Variants in NBEA observed in about 807,000 individuals in gnomAD.
NBEA encodes the protein lysosomal-trafficking regulator 2.
A neutral mutation model predicts 343.4 loss-of-function variants in NBEA; 44 were observed. The ratio of observed to expected loss-of-function variants is 0.13; its 90% CI spans 0.10 to 0.16. NBEA has a LOEUF of 0.16. Among genes scored for constraint, NBEA ranks in the 10% least tolerant of loss-of-function variants. The pLI is 1.00. For synonymous variants in NBEA, 1,175 were observed against 1,238.7 expected (o/e 0.95, Z 1.08); for missense variants, 2,555 against 3,631.3 (o/e 0.70, Z 7.62).
chr13:35,618,986 T>G (rs1299349038), intron 48 of NBEA, among the ~76,000 whole-genome samples: 4 of 152,038 alleles, frequency 2.6e-5, no homozygotes, highest in Non-Finnish European at 5.9e-5. Context: ...CCAGTGTGGC[T>G]CTGCTCATAT....
intron 38 of NBEA, among the ~76,000 whole-genome samples, chr13:35,377,120 A>G (rs912427257): frequency 3.3e-5 from 5 of 152,214 alleles, no homozygotes; most frequent in Non-Finnish European, 5.9e-5. Context: ...TAGTTTTAAA[A>G]TTTTGACCAA....
At chr13:35,583,814 G>A in intron 45 of NBEA, 84 bp from the exon 46 acceptor site, 1 of 996,324 alleles carries the variant, frequency 1.0e-6, no homozygotes, top group Non-Finnish European at 1.5e-6. Flanking sequence ...TGAATTAACA[G>A]TGAAATACTG....
intron 38 of NBEA, among the ~76,000 whole-genome samples, chr13:35,430,290 C>A (rs998197296): frequency 6.6e-6 from 1 of 152,114 alleles, no homozygotes; most frequent in Non-Finnish European, 1.5e-5. Flanking sequence ...ATGTCCTTAG[C>A]CCACTTTTCG....
At chr13:35,209,905 G>T (rs2073651451) in intron 32 of NBEA, among the ~76,000 whole-genome samples, 2 of 151,966 alleles carry the variant, frequency 1.3e-5, no homozygotes, top group South Asian at 4.1e-4. Flanking sequence ...TTGTTTACCT[G>T]TATTATAAAT....
intron 1 of NBEA, among the ~76,000 whole-genome samples, chr13:34,996,472 G>A (rs2152520921): frequency 6.6e-6 from 1 of 151,974 alleles, no homozygotes; most frequent in East Asian, 1.9e-4. Flanking sequence ...GTTTGTGTGT[G>A]TGTGTGTGTA....
chr13:35,091,599 G>A (rs997388465), intron 10 of NBEA, among the ~76,000 whole-genome samples: 2 of 151,934 alleles, frequency 1.3e-5, no homozygotes, highest in Non-Finnish European at 2.9e-5. Context: ...TAGCATACTA[G>A]TGTCACAAGA....
At chr13:35,523,026 G>A (rs2152993683) in intron 41 of NBEA, among the ~76,000 whole-genome samples, 1 of 152,248 alleles carries the variant, frequency 6.6e-6, no homozygotes, top group East Asian at 1.9e-4. Context: ...GACGTAGAAA[G>A]GAAATGACAA....
intron 10 of NBEA, among the ~76,000 whole-genome samples, chr13:35,084,104 T>C (rs2152611165): frequency 6.6e-6 from 1 of 152,218 alleles, no homozygotes; most frequent in African/African-American, 2.4e-5. Context: ...GAAAGAGACT[T>C]AGACTGCCAC....
At chr13:35,663,302 A>G (rs1415311714) in intron 55 of NBEA, among the ~76,000 whole-genome samples, 1 of 152,118 alleles carries the variant, frequency 6.6e-6, no homozygotes, top group Non-Finnish European at 1.5e-5. Context: ...GGTAACCACT[A>G]TTCTGTTTAT....
chr13:34,977,339 G>A (rs889712630), intron 1 of NBEA, among the ~76,000 whole-genome samples: 1 of 149,600 alleles, frequency 6.7e-6, no homozygotes, highest in Admixed American at 6.6e-5. Context: ...GATGGAGTCT[G>A]TCTCTGTCGC....
intron 51 of NBEA, among the ~76,000 whole-genome samples, chr13:35,648,128 C>T (rs959527391): frequency 6.0e-5 from 9 of 148,950 alleles, no homozygotes; most frequent in Non-Finnish European, 8.9e-5. Flanking sequence ...TCTCCCAAAG[C>T]GCTGGGAATA....
At chr13:34,997,429 C>T (rs2060977427) in intron 1 of NBEA, among the ~76,000 whole-genome samples, 1 of 152,042 alleles carries the variant, frequency 6.6e-6, no homozygotes, top group African/African-American at 2.4e-5. Context: ...CTCATTCTTC[C>T]TTATTATTAT....
intron 41 of NBEA, among the ~76,000 whole-genome samples, chr13:35,523,762 A>C (rs2152994097): frequency 6.6e-6 from 1 of 152,242 alleles, no homozygotes; most frequent in East Asian, 1.9e-4. Context: ...TCTTTTCAAA[A>C]ATATTTGCCA....
chr13:35,432,898 TAAAA>T (rs953869450), intron 39 of NBEA, among the ~76,000 whole-genome samples: 3 of 152,018 alleles, frequency 2.0e-5, no homozygotes, highest in African/African-American at 7.2e-5. Context: ...TTGTATATAT[TAAAA>T]AAGTTTTATT....
intron 52 of NBEA, among the ~76,000 whole-genome samples, chr13:35,650,538 CTAAAACTACAAA>C (rs2084466921): frequency 1.3e-5 from 2 of 152,116 alleles, no homozygotes; most frequent in Non-Finnish European, 1.5e-5. Flanking sequence ...CCCGTCTCTA[CTAAAACTACAAA>C]AATTAACCAG....
chr13:35,667,705 C>T, intron 57 of NBEA, 135 bp downstream of exon 57: 1 of 815,164 alleles, frequency 1.2e-6, no homozygotes, highest in Middle Eastern at 2.4e-4. Flanking sequence ...TATATAACTT[C>T]TTGCGGACTG....
chr13:35,450,126 A>T (rs2046231845), intron 39 of NBEA, among the ~76,000 whole-genome samples: 1 of 152,188 alleles, frequency 6.6e-6, no homozygotes, highest in African/African-American at 2.4e-5. Context: ...GAGAAAAAGG[A>T]AAAAAGCCAA....
chr13:35,646,159 T>A (rs996212609), intron 50 of NBEA, 100 bp from the exon 51 acceptor site: 16 of 960,526 alleles, frequency 1.7e-5, no homozygotes, highest in Non-Finnish European at 2.2e-5. Flanking sequence ...CTGGACTTTT[T>A]TTCATGGCTG....
chr13:35,331,717 G>A (rs1381978812), intron 36 of NBEA, among the ~76,000 whole-genome samples: 1 of 151,938 alleles, frequency 6.6e-6, no homozygotes, highest in East Asian at 1.9e-4. Flanking sequence ...AGGATACTTT[G>A]TTCTGTTAAC....
Sources: allele counts gnomAD v4.1 joint callset (sites outside exome capture counted in the v4.1 genomes callset), GRCh38; gene constraint gnomAD v4.1.1; transcripts MANE v1.5; gene names NCBI Gene and HGNC (gene_info 2026-07-23, HGNC 2026-07-21).